Variants in MAP3K13 observed in about 807,000 individuals in gnomAD.
The protein encoded by MAP3K13 is leucine zipper-bearing kinase.
A neutral mutation model predicts 104.0 loss-of-function variants in MAP3K13; 52 were observed. The ratio of observed to expected loss-of-function variants is 0.50; its 90% CI spans 0.40 to 0.63. The LOEUF is 0.63. Ranked by LOEUF, MAP3K13 falls within the 20% of genes least tolerant of loss-of-function variation. The pLI is 0.00. For missense variants in MAP3K13, 914 were observed against 1,218.5 expected (o/e 0.75, Z 3.72); for synonymous variants, 394 against 442.2 (o/e 0.89, Z 1.37).
intron 1 of MAP3K13, among the ~76,000 whole-genome samples, chr3:185,420,590 G>A (rs1223781509): frequency 6.6e-6 from 1 of 152,204 alleles, no homozygotes; most frequent in East Asian, 1.9e-4. Context: ...GCCAAGTAAA[G>A]AGAAGATAGC....
chr3:185,484,389 G>GGGAC lies in MAP3K13; in HGVS notation c.*1933_*1934insGGAC, dbSNP rs1718624385. ...AGTACCTGTCCCTGTCTCCAAGACAGATTACCGTCAAACAACCTCTCTAGA... is the reference window on the plus strand; with the variant it reads ...AGTACCTGTCCCTGTCTCCAAGACAGGGACATTACCGTCAAACAACCTCTCTAGA... On this transcript the variant is annotated 3_prime_UTR_variant, in exon 14 of 14. Coordinates refer to ENST00000265026, the MANE Select transcript of MAP3K13 (RefSeq NM_004721.5). 1 of 152,202 alleles carries GGGAC rather than the reference G, an allele frequency of 6.6e-6. No individual in the cohort carries two copies. Among genetic ancestry groups the GGGAC allele is most frequent in the African/African-American group, 2.4e-5 (1 of 41,440 alleles). 9.4% of individuals were successfully genotyped at this position (152,202 alleles called of 1,614,324 possible). A position where few individuals can be genotyped will look rare whatever the true frequency, so the allele number is the denominator to read the frequency against.
rs1257140314 is a variant in MAP3K13, at chr3:185,487,174, G to GGT, written c.*4719_*4720insTG. ...GGCACCAACCCAGACTTTTTTTGGGGGGGGGTGAGGGCGCAGGATCTCACT... is the reference window on the plus strand; with the variant it reads ...GGCACCAACCCAGACTTTTTTTGGGGGTGGGGGTGAGGGCGCAGGATCTCACT... On this transcript the variant is annotated 3_prime_UTR_variant, in exon 14 of 14. Coordinates refer to ENST00000265026, the MANE Select transcript of MAP3K13 (RefSeq NM_004721.5). 1 of 151,554 alleles carries GGT rather than the reference G, an allele frequency of 6.6e-6. No homozygotes were observed. The highest frequency in any genetic ancestry group is 1.5e-5 in the Non-Finnish European group (1 of 67,926). The allele number at this position is 151,554 out of a possible 1,614,324, so 9.4% of individuals were successfully genotyped here.
chr3:185,346,494 A>G (rs1290335200), intron 2 of MAP3K13, among the ~76,000 whole-genome samples: 4 of 152,160 alleles, frequency 2.6e-5, no homozygotes, highest in Non-Finnish European at 4.4e-5. Flanking sequence ...TTAGTATACA[A>G]CCTGTAAAGG....
chr3:185,459,455 AT>A (rs1054832562), intron 7 of MAP3K13, among the ~76,000 whole-genome samples: 257 of 151,590 alleles, frequency 1.7e-3, no homozygotes, highest in African/African-American at 5.9e-3. Flanking sequence ...ATTAAAAAAA[AT>A]TTTTTTTTGA....
intron 3 of MAP3K13, among the ~76,000 whole-genome samples, chr3:185,441,032 A>G (rs1404231264): frequency 1.1e-4 from 17 of 152,222 alleles, no homozygotes; most frequent in Admixed American, 1.1e-3. Flanking sequence ...TAAAAAGCTA[A>G]AAGGGAGGCA....
At chr3:185,477,544 GC>G in intron 12 of MAP3K13, 148 bp downstream of exon 12, 1 of 642,524 alleles carries the variant, frequency 1.6e-6, no homozygotes, top group Non-Finnish European at 2.8e-6. Flanking sequence ...TTTTCCTGTT[GC>G]TACATTTTGG....
upstream of MAP3K13, chr3:185,362,957 GCA>G (rs869143488): frequency 1.8e-3 from 160 of 90,596 alleles, no homozygotes; most frequent in East Asian, 3.9e-3. Context: ...ACACACACAC[GCA>G]CACACACACA....
intron 1 of MAP3K13, among the ~76,000 whole-genome samples, chr3:185,416,186 A>G (rs1713760090): frequency 6.6e-6 from 1 of 152,110 alleles, no homozygotes; most frequent in Non-Finnish European, 1.5e-5. Context: ...CTCAGTTTCT[A>G]TATATATCAA....
intron 9 of MAP3K13, among the ~76,000 whole-genome samples, chr3:185,466,150 G>T (rs572456320): frequency 6.6e-6 from 1 of 152,176 alleles, no homozygotes; most frequent in Non-Finnish European, 1.5e-5. Flanking sequence ...CCGGGGAGCC[G>T]ATTGCCCCCT....
rs1432792013 is a variant in MAP3K13, at chr3:185,473,405, C to T, written c.2074C>T (p.Pro692Ser). The T allele has an allele frequency of 6.2e-7, 1 of 1,614,218 alleles. No homozygotes were observed. The highest frequency in any genetic ancestry group is 1.7e-5 in the Admixed American group (1 of 60,030). Reference sequence around the variant, plus strand: ...CAGCAACCATGCTCAGAGACAGCTGCCCGGCTCGAGCCCTGACCTCATCTC... The same window carrying T: ...CAGCAACCATGCTCAGAGACAGCTGTCCGGCTCGAGCCCTGACCTCATCTC... The part of the protein sequence containing the change: ...PLSNHAQRQL[P>S]GSSPDLISTA... The change falls in exon 11 of 14, where the codon CCC becomes TCC. Residue 692 changes from proline (P) to serine (S), a missense_variant. Coordinates refer to ENST00000265026, the MANE Select transcript of MAP3K13 (RefSeq NM_004721.5). This position sits in a 1 kb window ranked among gnomAD's most constrained non-coding sequence, Gnocchi z 4.9.
At chr3:185,411,081 CAA>C (rs1018321929) in intron 1 of MAP3K13, among the ~76,000 whole-genome samples, 1 of 152,056 alleles carries the variant, frequency 6.6e-6, no homozygotes, top group African/African-American at 2.4e-5. Context: ...TCATCGGAAG[CAA>C]AGTGTTAGGT....
rs756534438 is a variant in MAP3K13, at chr3:185,485,419, A to G, written c.*2963A>G. The G allele has an allele frequency of 1.6e-4, 25 of 152,200 alleles. No individual in the cohort carries two copies. The highest frequency in any genetic ancestry group is 1.2e-4 in the Non-Finnish European group (8 of 68,040). 9.4% of individuals were successfully genotyped at this position (152,200 alleles called of 1,614,324 possible). A position where few individuals can be genotyped will look rare whatever the true frequency, so the allele number is the denominator to read the frequency against. On this transcript the variant is annotated 3_prime_UTR_variant, in exon 14 of 14. Coordinates refer to ENST00000265026, the MANE Select transcript of MAP3K13 (RefSeq NM_004721.5). ...TTACGCTCAACAGCAGTCCAAAAAT[A>G]TTTGATGGAACATTCCAGAAATAAA...
intron 7 of MAP3K13, among the ~76,000 whole-genome samples, chr3:185,453,335 A>C (rs1315200905): frequency 1.3e-5 from 2 of 152,162 alleles, no homozygotes; most frequent in Non-Finnish European, 2.9e-5. Context: ...GACTTCCAGT[A>C]GCATTTCAAA....
chr3:185,336,742 G>T (rs1396793144), intron 2 of MAP3K13, among the ~76,000 whole-genome samples: 1 of 150,552 alleles, frequency 6.6e-6, no homozygotes, highest in African/African-American at 2.4e-5. Context: ...TTTAACTTTA[G>T]ATCTGCCACT....
intron 2 of MAP3K13, among the ~76,000 whole-genome samples, chr3:185,336,617 A>G (rs545572980): frequency 1.3e-5 from 2 of 151,600 alleles, no homozygotes; most frequent in African/African-American, 4.8e-5. Flanking sequence ...AACTACTGTT[A>G]TAGATATCAG....
intron 1 of MAP3K13, among the ~76,000 whole-genome samples, chr3:185,388,750 A>G (rs372371207): frequency 2.6e-5 from 4 of 152,198 alleles, no homozygotes; most frequent in Admixed American, 6.5e-5. Flanking sequence ...AAAAAGAACA[A>G]AGCTGGAGGC....
chr3:185,451,498 A>G, intron 7 of MAP3K13, 103 bp downstream of exon 7: 1 of 726,388 alleles, frequency 1.4e-6, no homozygotes, highest in Non-Finnish European at 2.5e-6. Context: ...TATAATAGTT[A>G]TATAACTCCA....
rs1330855333 is a variant in MAP3K13, at chr3:185,363,317, A to G, written c.-137A>G. 5 of 985,118 alleles carry G rather than the reference A, an allele frequency of 5.1e-6. No individual in the cohort carries two copies. Among genetic ancestry groups the G allele is most frequent in the Non-Finnish European group, 6.0e-6 (5 of 829,906 alleles). The allele number at this position is 985,118 out of a possible 1,614,324, so 61.0% of individuals were successfully genotyped here. A position where few individuals can be genotyped will look rare whatever the true frequency, so the allele number is the denominator to read the frequency against. ...GCAAGGCTTTTAAAATTCACCTTACATCTTTTCAAAGCAAGAAAATGGAAC... is the reference window on the plus strand; with the variant it reads ...GCAAGGCTTTTAAAATTCACCTTACGTCTTTTCAAAGCAAGAAAATGGAAC... On this transcript the variant is annotated 5_prime_UTR_variant, in exon 1 of 14. Coordinates refer to ENST00000265026, the MANE Select transcript of MAP3K13 (RefSeq NM_004721.5).
At chr3:185,295,088 A>G (rs2108675728) in intron 2 of MAP3K13, among the ~76,000 whole-genome samples, 1 of 152,280 alleles carries the variant, frequency 6.6e-6, no homozygotes, top group African/African-American at 2.4e-5. Context: ...TGCCCTTAGA[A>G]TTCAGCCCCA....
Sources: allele counts gnomAD v4.1 joint callset (sites outside exome capture counted in the v4.1 genomes callset), GRCh38; gene constraint gnomAD v4.1.1; non-coding constraint Gnocchi (gnomAD v3.1); transcripts MANE v1.5; gene names NCBI Gene and HGNC (gene_info 2026-07-23, HGNC 2026-07-21).